SSPN: variants seen among roughly 807,000 people sequenced by gnomAD.
SSPN encodes the protein K-ras oncogene-associated protein.
In SSPN, 15 loss-of-function variants were observed where a neutral mutation model predicts 19.1. The observed-to-expected ratio is 0.78, with a 90% CI of 0.52 to 1.21. SSPN has a LOEUF of 1.21. Ranked by LOEUF, SSPN falls within the 50% of genes most tolerant of loss-of-function variation. The probability of loss-of-function intolerance (pLI) is 0.00; values close to 1 mark genes in which losing one functional copy is unlikely to be tolerated. For missense variants in SSPN, 291 were observed against 314.0 expected (o/e 0.93, Z 0.55); for synonymous variants, 147 against 140.3 (o/e 1.05, Z -0.34).
chr12:26,141,542 C>T (rs192401813), intron 1 of SSPN, among the ~76,000 whole-genome samples: 3 of 152,202 alleles, frequency 2.0e-5, no homozygotes, highest in Non-Finnish European at 4.4e-5. Context: ...ACAACTTTCT[C>T]CTCTAGATCC....
chr12:26,122,210 C>G (rs1255414325), intron 1 of SSPN: 1 of 1,338,936 alleles, frequency 7.5e-7, no homozygotes, highest in Non-Finnish European at 9.6e-7. Context: ...CCACCTCGTG[C>G]GGCAGGAGGG....
intron 1 of SSPN, among the ~76,000 whole-genome samples, chr12:26,146,818 T>TAAAA (rs770083050): frequency 1.9e-5 from 2 of 105,176 alleles, no homozygotes; most frequent in Non-Finnish European, 4.0e-5. Flanking sequence ...CAAGGCTGTC[T>TAAAA]AAAAAAAAAA....
At position 26,231,329 on chromosome 12, in the gene SSPN, G is replaced by T. The variant is rs61914488; in HGVS notation, c.*253G>T. The T allele has an allele frequency of 0.042, 17,879 of 427,732 alleles. 469 individuals are homozygous for T. The highest frequency in any genetic ancestry group is 0.054 in the Non-Finnish European group (13,314 of 248,108). The allele number at this position is 427,732 out of a possible 1,614,324, so 26.5% of individuals were successfully genotyped here. A position where few individuals can be genotyped will look rare whatever the true frequency, so the allele number is the denominator to read the frequency against. ...TAAAAGTTAACAGAACACTGAACAA[G>T]GAAAGAATGGCATAGATCTATCTTT... On this transcript the variant is annotated 3_prime_UTR_variant, in exon 3 of 3. Coordinates refer to ENST00000242729, the MANE Select transcript of SSPN (RefSeq NM_005086.5).
chr12:26,141,028 A>G (rs566104077), intron 1 of SSPN, among the ~76,000 whole-genome samples: 2 of 152,298 alleles, frequency 1.3e-5, no homozygotes, highest in Non-Finnish European at 2.9e-5. Context: ...AGGCAGAATA[A>G]TGGGCCTCCA....
intron 1 of SSPN, among the ~76,000 whole-genome samples, chr12:26,198,974 C>T (rs1479030733): frequency 3.3e-5 from 5 of 152,182 alleles, no homozygotes; most frequent in Non-Finnish European, 7.3e-5. Context: ...TAGGCTGAAG[C>T]CAAGCTGAGT....
intron 1 of SSPN, among the ~76,000 whole-genome samples, chr12:26,130,286 C>T (rs1306830316): frequency 6.6e-6 from 1 of 152,126 alleles, no homozygotes; most frequent in Non-Finnish European, 1.5e-5. Context: ...GAAGCACATT[C>T]AAATATAAAT....
chr12:26,128,955 A>G (rs1281298686), intron 1 of SSPN, among the ~76,000 whole-genome samples: 3 of 152,194 alleles, frequency 2.0e-5, no homozygotes, highest in Non-Finnish European at 4.4e-5. Flanking sequence ...TGACTTTAGA[A>G]GGCCTTATCC....
At chr12:26,139,396 A>G (rs1329351125) in intron 1 of SSPN, among the ~76,000 whole-genome samples, 1 of 152,220 alleles carries the variant, frequency 6.6e-6, no homozygotes, top group Non-Finnish European at 1.5e-5. Flanking sequence ...TTTTCACTAA[A>G]TCAGGTAATA....
At chr12:26,222,652 C>T (rs918414998) in intron 1 of SSPN, among the ~76,000 whole-genome samples, 1 of 152,158 alleles carries the variant, frequency 6.6e-6, no homozygotes, top group Non-Finnish European at 1.5e-5. Flanking sequence ...AAGTGTGGAA[C>T]TTTATCAATG....
chr12:26,150,630 C>G (rs1307307257), intron 1 of SSPN, among the ~76,000 whole-genome samples: 3 of 118,934 alleles, frequency 2.5e-5, no homozygotes, highest in Non-Finnish European at 5.6e-5. Flanking sequence ...TCATCTGCAT[C>G]ATTATAATGT....
chr12:26,195,510 C>T (rs1944818080), upstream of SSPN: 6 of 1,207,270 alleles, frequency 5.0e-6, no homozygotes, highest in African/African-American at 1.6e-5. Flanking sequence ...GCTGCGGGCT[C>T]CCCGTGGCCT....
chr12:26,200,412 GT>G (rs1944867329), intron 1 of SSPN, among the ~76,000 whole-genome samples: 1 of 152,166 alleles, frequency 6.6e-6, no homozygotes, highest in African/African-American at 2.4e-5. Flanking sequence ...CCGATTTTAA[GT>G]CTTGCCTTAA....
intron 1 of SSPN, chr12:26,124,663 G>C: frequency 6.2e-7 from 1 of 1,613,112 alleles, no homozygotes; most frequent in Non-Finnish European, 8.5e-7. Context: ...TTCTGGAGAA[G>C]AAAAAAATCA....
chr12:26,217,888 C>T (rs1945072810), intron 1 of SSPN, among the ~76,000 whole-genome samples: 1 of 152,134 alleles, frequency 6.6e-6, no homozygotes, highest in South Asian at 2.1e-4. Context: ...ACTAGTTCAA[C>T]CATTGTGGAA....
At chr12:26,163,032 C>CATGTGTGT (rs1555177121) in intron 1 of SSPN, among the ~76,000 whole-genome samples, 1 of 145,966 alleles carries the variant, frequency 6.9e-6, no homozygotes, top group Non-Finnish European at 1.5e-5. Flanking sequence ...TGCTTCAAGA[C>CATGTGTGT]GTGTGTGTGT....
chr12:26,232,230 C>T lies in SSPN; in HGVS notation c.*1154C>T. 2 of 985,388 alleles carry T rather than the reference C, an allele frequency of 2.0e-6. No individual in the cohort carries two copies. Among genetic ancestry groups the T allele is most frequent in the Middle Eastern group, 5.2e-4 (1 of 1,914 alleles). The allele number at this position is 985,388 out of a possible 1,614,324, so 61.0% of individuals were successfully genotyped here. On this transcript the variant is annotated 3_prime_UTR_variant, in exon 3 of 3. Transcript: ENST00000242729. ...CCTATTATTAATTCGTATGCTTAGT[C>T]AACCTAGGAAATCAAAATAATGTTT...
chr12:26,140,620 A>G (rs1041266142), intron 1 of SSPN, among the ~76,000 whole-genome samples: 8 of 152,114 alleles, frequency 5.3e-5, no homozygotes, highest in Non-Finnish European at 1.2e-4. Flanking sequence ...ATATTGGGTG[A>G]GTTGTCATGA....
intron 1 of SSPN, chr12:26,123,786 C>A (rs1298464327): frequency 4.6e-6 from 6 of 1,316,598 alleles, no homozygotes; most frequent in Non-Finnish European, 6.6e-6. Flanking sequence ...TACTTAAAAA[C>A]ACACATTTGG....
At chr12:26,125,062 C>T in intron 1 of SSPN, 1 of 531,926 alleles carries the variant, frequency 1.9e-6, no homozygotes. Context: ...GCGTCGCCGG[C>T]CAGACCAGCA....
Sources: gnomAD v4.1 joint callset for allele counts (sites outside exome capture counted in the v4.1 genomes callset) on GRCh38, gnomAD v4.1.1 for gene constraint, MANE v1.5 for transcripts, NCBI Gene and HGNC (gene_info 2026-07-23, HGNC 2026-07-21) for gene names.